The following ANXA8 variants were observed in gnomAD, a reference collection of about 807,000 sequenced individuals.
ANXA8 encodes VAC-beta.
ANXA8 carries 9 observed loss-of-function variants against 26.8 expected under a neutral mutation model. The ratio of observed to expected loss-of-function variants is 0.34; its 90% confidence interval spans 0.20 to 0.59. The LOEUF (loss-of-function observed/expected upper bound fraction) is 0.59. Among genes scored for constraint, ANXA8 ranks in the 20% least tolerant of loss-of-function variants. The pLI, the probability that ANXA8 is intolerant of heterozygous loss-of-function variation, is 0.84. For synonymous variants in ANXA8, 39 were observed against 94.8 expected (o/e 0.41, Z 3.42); for missense variants, 83 against 238.5 (o/e 0.35, Z 4.29).
the ANXA8 span, among the ~76,000 whole-genome samples, chr10:47,680,899 G>A: frequency 6.6e-6 from 1 of 150,782 alleles, no homozygotes; most frequent in South Asian, 2.1e-4. Context: ...CAGTGCTTTA[G>A]GAGCATATGT....
At chr10:47,955,349 C>T in the ANXA8 span, among the ~76,000 whole-genome samples, 2 of 150,200 alleles carry the variant, frequency 1.3e-5, no homozygotes, top group Non-Finnish European at 3.0e-5. Flanking sequence ...TAATACACAA[C>T]GATGCTCAAT....
the ANXA8 span, among the ~76,000 whole-genome samples, chr10:47,627,326 A>G: frequency 3.3e-5 from 5 of 150,198 alleles, no homozygotes; most frequent in Non-Finnish European, 7.4e-5. Flanking sequence ...TCTTTCTGGC[A>G]TAATGTGAAT....
At position 47,483,987 on chromosome 10, in the gene ANXA8, C is replaced by T. The variant is rs1385580766; in HGVS notation, c.-54G>A. 68 of 1,611,668 alleles carry T rather than the reference C, an allele frequency of 4.2e-5. 1 individual carries two copies. The South Asian group carries it at 7.1e-4, about 17-fold the overall frequency. Reference sequence around the variant, plus strand: ...GGGAGATGAAGAGACACAGGTTGGCCTCTGCTGGGACTCCACACGTCTGGC... The same window carrying T: ...GGGAGATGAAGAGACACAGGTTGGCTTCTGCTGGGACTCCACACGTCTGGC... On this transcript the variant is annotated 5_prime_UTR_variant, in exon 1 of 12. Transcript: ENST00000585281.
the ANXA8 span, among the ~76,000 whole-genome samples, chr10:47,748,361 G>A: frequency 2.7e-5 from 4 of 148,468 alleles, no homozygotes; most frequent in Non-Finnish European, 6.0e-5. Flanking sequence ...ACAGGCACGC[G>A]CCACCATGCC....
At chr10:47,552,142 T>C in the ANXA8 span, among the ~76,000 whole-genome samples, 1 of 151,838 alleles carries the variant, frequency 6.6e-6, no homozygotes, top group Non-Finnish European at 1.5e-5. Context: ...ATTAGATGAG[T>C]TACCTCTGCT....
At chr10:47,720,930 T>G in the ANXA8 span, among the ~76,000 whole-genome samples, 6 of 135,518 alleles carry the variant, frequency 4.4e-5, no homozygotes, top group South Asian at 2.3e-4. Flanking sequence ...GGGGATCGCT[T>G]GAGCCCAGGG....
the ANXA8 span, among the ~76,000 whole-genome samples, chr10:47,680,765 GTCT>G: frequency 3.3e-5 from 5 of 151,730 alleles, no homozygotes; most frequent in East Asian, 5.8e-4. Context: ...AAGGAGAGAA[GTCT>G]TCTTAAAAAC....
chr10:47,494,331 G>T, the ANXA8 span, among the ~76,000 whole-genome samples: 1 of 107,632 alleles, frequency 9.3e-6, no homozygotes. Context: ...CCTCAGGCAG[G>T]GAGAATCTGG....
the ANXA8 span, among the ~76,000 whole-genome samples, chr10:47,734,230 G>C: frequency 1.4e-5 from 2 of 139,792 alleles, no homozygotes; most frequent in African/African-American, 5.4e-5. Context: ...GGAGTTATTT[G>C]CTGCTGCCCA....
the ANXA8 span, among the ~76,000 whole-genome samples, chr10:47,596,065 C>T: frequency 2.2e-4 from 30 of 137,042 alleles, no homozygotes; most frequent in Middle Eastern, 3.7e-3. Flanking sequence ...CAAGCATCTT[C>T]TTGGACCGCA....
At chr10:47,655,471 A>G in the ANXA8 span, among the ~76,000 whole-genome samples, 4 of 151,724 alleles carry the variant, frequency 2.6e-5, no homozygotes, top group South Asian at 6.2e-4. Flanking sequence ...GTAAGGAGGC[A>G]AGATATTTCA....
the ANXA8 span, among the ~76,000 whole-genome samples, chr10:47,646,858 A>G: frequency 6.6e-6 from 1 of 152,118 alleles, no homozygotes; most frequent in African/African-American, 2.4e-5. Context: ...CAAAATAGAA[A>G]CTAAGCAGTC....
chr10:47,522,241 T>A, the ANXA8 span, among the ~76,000 whole-genome samples: 2 of 142,902 alleles, frequency 1.4e-5, 1 homozygote. Context: ...TGACGTTTCA[T>A]GTCTTTTGAA....
chr10:47,631,723 G>A, the ANXA8 span, among the ~76,000 whole-genome samples: 1 of 150,326 alleles, frequency 6.7e-6, no homozygotes, highest in Admixed American at 6.6e-5. Flanking sequence ...CCAAGTCATG[G>A]CAATTTTTTC....
chr10:47,695,717 T>C, the ANXA8 span, among the ~76,000 whole-genome samples: 2 of 144,550 alleles, frequency 1.4e-5, no homozygotes, highest in Admixed American at 1.4e-4. Flanking sequence ...CACTGTATGC[T>C]GATTAGATCC....
At chr10:47,660,575 A>G in the ANXA8 span, among the ~76,000 whole-genome samples, 51 of 151,510 alleles carry the variant, frequency 3.4e-4, no homozygotes, top group Non-Finnish European at 5.7e-4. Context: ...TAATTTTTGT[A>G]TTTTTTGTAG....
the ANXA8 span, among the ~76,000 whole-genome samples, chr10:47,639,310 T>G: frequency 2.6e-5 from 2 of 77,474 alleles, no homozygotes; most frequent in African/African-American, 4.9e-5. Context: ...TTATTATTAT[T>G]ATTATTTTTT....
At chr10:47,738,476 T>C in the ANXA8 span, among the ~76,000 whole-genome samples, 1 of 149,164 alleles carries the variant, frequency 6.7e-6, no homozygotes, top group Non-Finnish European at 1.5e-5. Context: ...TAAGGCTTAC[T>C]ATTTAAGAAG....
chr10:47,492,616 C>T, the ANXA8 span, among the ~76,000 whole-genome samples: 1 of 142,350 alleles, frequency 7.0e-6, no homozygotes, highest in African/African-American at 2.7e-5. Flanking sequence ...GTAAAATGGG[C>T]ATAGCGTGCC....
Sources: allele counts gnomAD v4.1 joint callset (sites outside exome capture counted in the v4.1 genomes callset), GRCh38; gene constraint gnomAD v4.1.1; transcripts MANE v1.5; gene names NCBI Gene and HGNC (gene_info 2026-07-23, HGNC 2026-07-21).